Variants in RASEF observed in about 807,000 individuals in gnomAD.
The protein encoded by RASEF is ras and EF-hand domain-containing protein.
RASEF carries 68 observed loss-of-function variants against 90.1 expected under a neutral mutation model. That is an observed-to-expected ratio of 0.75 (90% confidence interval 0.62 to 0.92). The LOEUF (loss-of-function observed/expected upper bound fraction) is 0.92, where lower values mean the gene tolerates loss of function less well. RASEF is among the 40% of genes least tolerant of loss of function. The pLI is 0.00. For missense variants in RASEF, 949 were observed against 937.2 expected, an observed-to-expected ratio of 1.01 and a Z score of -0.16; for synonymous variants, 331 against 345.2, an observed-to-expected ratio of 0.96 and a Z score of 0.46.
chr9:83,014,341 AT>A (rs967372138), intron 4 of RASEF, among the ~76,000 whole-genome samples: 4 of 151,208 alleles, frequency 2.6e-5, no homozygotes, highest in African/African-American at 7.3e-5. Context: ...ATGATTTTTT[AT>A]TTTTTTTTAA....
intron 1 of RASEF, 35 bp downstream of exon 1, chr9:83,062,402 C>T (rs760402590): frequency 6.2e-7 from 1 of 1,605,054 alleles, no homozygotes; most frequent in Non-Finnish European, 8.5e-7. Flanking sequence ...CAGGAAGCGC[C>T]AGAATAACCT....
chr9:83,145,527 TTCTC>T, the RASEF span, among the ~76,000 whole-genome samples: 3 of 152,088 alleles, frequency 2.0e-5, no homozygotes, highest in Non-Finnish European at 4.4e-5. Context: ...GCTATGTAGA[TTCTC>T]TATCATTTTA....
chr9:83,053,819 G>C (rs1203833303), intron 1 of RASEF, among the ~76,000 whole-genome samples: 3 of 120,262 alleles, frequency 2.5e-5, no homozygotes, highest in Non-Finnish European at 4.9e-5. Flanking sequence ...AGTTTGGCTG[G>C]ATATGAAATT....
At chr9:83,088,412 A>AGATAGATAGATG in the RASEF span, among the ~76,000 whole-genome samples, 1 of 151,916 alleles carries the variant, frequency 6.6e-6, no homozygotes, top group Non-Finnish European at 1.5e-5. Flanking sequence ...ATAGATAGAT[A>AGATAGATAGATG]CACAGATAAT....
the RASEF span, among the ~76,000 whole-genome samples, chr9:83,084,116 G>A: frequency 1.3e-5 from 2 of 152,038 alleles, no homozygotes; most frequent in African/African-American, 2.4e-5. Flanking sequence ...AAAAGACACA[G>A]AGATAAAATT....
chr9:82,982,537 G>A lies in RASEF; in HGVS notation c.*140C>T. The A allele has an allele frequency of 1.6e-6, 1 of 624,004 alleles. No individual in the cohort carries two copies. The highest frequency in any genetic ancestry group is 2.5e-5 in the Admixed American group (1 of 40,764). 38.7% of individuals were successfully genotyped at this position (624,004 alleles called of 1,614,324 possible). On this transcript the variant is annotated 3_prime_UTR_variant, in exon 17 of 17. Transcript: ENST00000376447. ...GAGCCAAAGTTCCAGAGGGACCTGA[G>A]AGCTGGGTTCAGGTTTCCTGCACTG... is the stretch of plus-strand genomic sequence containing the variant.
the RASEF span, among the ~76,000 whole-genome samples, chr9:83,196,079 G>A: frequency 6.6e-6 from 1 of 152,048 alleles, no homozygotes; most frequent in Non-Finnish European, 1.5e-5. Context: ...CTGAGTGACT[G>A]GCAGGTGGAG....
chr9:83,080,432 T>G, the RASEF span, among the ~76,000 whole-genome samples: 1 of 152,228 alleles, frequency 6.6e-6, no homozygotes. Context: ...CCCCAGGTGA[T>G]AGAGCCAGAT....
At chr9:83,105,862 G>T in the RASEF span, among the ~76,000 whole-genome samples, 6 of 152,088 alleles carry the variant, frequency 3.9e-5, no homozygotes, top group Non-Finnish European at 8.8e-5. Context: ...CCCATGTGCC[G>T]GCTGCAGGAC....
the RASEF span, among the ~76,000 whole-genome samples, chr9:83,135,248 C>CA: frequency 2.6e-5 from 4 of 151,674 alleles, no homozygotes; most frequent in South Asian, 2.1e-4. Flanking sequence ...ATCTCAAAGA[C>CA]AAAAAACCAA....
In RASEF at chr9:83,040,044, T is replaced by C. The variant is rs1340431034; in HGVS notation, c.432-14123A>G. On this transcript the variant is annotated intron_variant, in intron 1 of 16. Coordinates refer to ENST00000376447, the MANE Select transcript of RASEF (RefSeq NM_152573.4). ...AGTGAATAAGTCTCATGAGATCTGA[T>C]GGTTTTATAAAGGGCCGTTCCCCTA... 4.6e-5 allele frequency among the ~76,000 whole-genome samples: 7 copies of C among 152,252 alleles called. No homozygotes were observed. In the South Asian group the frequency reaches 1.5e-3, roughly 32 times the overall value.
chr9:83,089,925 GA>G, the RASEF span, among the ~76,000 whole-genome samples: 1 of 151,776 alleles, frequency 6.6e-6, no homozygotes, highest in East Asian at 1.9e-4. Flanking sequence ...TAGATAGATA[GA>G]TAGATAGATA....
the RASEF span, among the ~76,000 whole-genome samples, chr9:83,149,316 T>C: frequency 0.17 from 25,465 of 152,226 alleles, 2,327 homozygotes; most frequent in Non-Finnish European, 0.21. Context: ...GTCCCATGTT[T>C]AGTGGCCCTT....
At chr9:83,152,424 C>T in the RASEF span, among the ~76,000 whole-genome samples, 1 of 152,038 alleles carries the variant, frequency 6.6e-6, no homozygotes, top group Non-Finnish European at 1.5e-5. Context: ...TTCCTCTAGC[C>T]CCTCATTCTA....
At chr9:83,135,450 A>T in the RASEF span, among the ~76,000 whole-genome samples, 1 of 152,078 alleles carries the variant, frequency 6.6e-6, no homozygotes, top group Non-Finnish European at 1.5e-5. Flanking sequence ...ATATGTAACA[A>T]ACCTGCACGT....
the RASEF span, among the ~76,000 whole-genome samples, chr9:83,207,668 C>T: frequency 4.7e-5 from 6 of 128,560 alleles, no homozygotes; most frequent in Non-Finnish European, 9.4e-5. Flanking sequence ...AGCGCAGTGG[C>T]GCAATCTCAG....
chr9:83,157,247 T>C, the RASEF span, among the ~76,000 whole-genome samples: 10 of 152,250 alleles, frequency 6.6e-5, no homozygotes, highest in Admixed American at 6.5e-4. Flanking sequence ...TTAGCAGTTC[T>C]ACAAGTAGTA....
At position 83,044,039 on chromosome 9, in the gene RASEF, GCTCT is replaced by G. The variant is rs371823404; in HGVS notation, c.432-18122_432-18119del. 1.9e-3 allele frequency among the ~76,000 whole-genome samples: 291 copies of G among 152,238 alleles called. 1 individual carries two copies. The highest frequency in any genetic ancestry group is 6.0e-3 in the African/African-American group (250 of 41,540). ...GATGGAATACTTCTGGCTTCCCTGT[GCTCT>G]CTATTACATCCCTGTTAGTAACTTC... On this transcript the variant is annotated intron_variant, in intron 1 of 16. Coordinates refer to ENST00000376447, the MANE Select transcript of RASEF (RefSeq NM_152573.4).
intron 9 of RASEF, among the ~76,000 whole-genome samples, chr9:83,003,605 A>G (rs1829078110): frequency 1.3e-5 from 2 of 152,246 alleles, no homozygotes; most frequent in Non-Finnish European, 2.9e-5. Context: ...TGAGCTAATC[A>G]GTGAACAGTA....
Sources: gnomAD v4.1 joint callset for allele counts (sites outside exome capture counted in the v4.1 genomes callset) on GRCh38, gnomAD v4.1.1 for gene constraint, MANE v1.5 for transcripts, NCBI Gene and HGNC (gene_info 2026-07-23, HGNC 2026-07-21) for gene names.